KALRN: variants seen among roughly 807,000 people sequenced by gnomAD.
KALRN encodes the protein kalirin RhoGEF kinase.
KALRN carries 70 observed loss-of-function variants against 353.7 expected under a neutral mutation model. The observed-to-expected ratio is 0.20, with a 90% CI of 0.16 to 0.24. KALRN has a LOEUF of 0.24. KALRN is among the 10% of genes least tolerant of loss of function. The pLI is 1.00. For missense variants in KALRN, 2,791 were observed against 3,756.7 expected (o/e 0.74, Z 6.72); for synonymous variants, 1,391 against 1,434.8 (o/e 0.97, Z 0.69).
intron 1 of KALRN, among the ~76,000 whole-genome samples, chr3:124,111,726 C>T (rs1195917645): frequency 6.6e-6 from 1 of 152,162 alleles, no homozygotes; most frequent in Non-Finnish European, 1.5e-5. Flanking sequence ...TCATTGAAAA[C>T]ACACTTTGTA....
chr3:124,645,626 TTCTC>T (rs71145472), intron 37 of KALRN, among the ~76,000 whole-genome samples: 47,811 of 133,088 alleles, frequency 0.36, 7,775 homozygotes, highest in Middle Eastern at 0.58. Context: ...TGAATAATAT[TTCTC>T]TCTCTCTCTC....
intron 33 of KALRN, among the ~76,000 whole-genome samples, chr3:124,521,962 T>G (rs1206149629): frequency 6.6e-6 from 1 of 152,110 alleles, no homozygotes; most frequent in South Asian, 2.1e-4. Context: ...GCTGCCCTCA[T>G]GGAGCATACA....
intron 33 of KALRN, among the ~76,000 whole-genome samples, chr3:124,532,800 C>CCAAAA (rs1290327171): frequency 2.0e-5 from 3 of 151,644 alleles, no homozygotes; most frequent in Non-Finnish European, 4.4e-5. Flanking sequence ...GACTCTGTCT[C>CCAAAA]CAAAACAAAA....
intron 3 of KALRN, among the ~76,000 whole-genome samples, chr3:124,249,470 C>T (rs1167620328): frequency 6.6e-6 from 1 of 152,210 alleles, no homozygotes; most frequent in African/African-American, 2.4e-5. Flanking sequence ...GCCAGGCCAA[C>T]TCTTTCTTTT....
intron 14 of KALRN, among the ~76,000 whole-genome samples, chr3:124,414,694 T>C (rs1404738122): frequency 6.6e-6 from 1 of 152,100 alleles, no homozygotes; most frequent in African/African-American, 2.4e-5. Context: ...AGAAAAGAAG[T>C]CACATGGCTG....
intron 29 of KALRN, 103 bp from the exon 30 acceptor site, chr3:124,490,591 A>G (rs2289841): frequency 0.66 from 669,240 of 1,012,922 alleles, 222,526 homozygotes; most frequent in African/African-American, 0.76. Flanking sequence ...CAGTAACTGA[A>G]GACTAACAAT....
chr3:124,497,114 G>A (rs1312825488), intron 33 of KALRN, among the ~76,000 whole-genome samples: 3 of 152,204 alleles, frequency 2.0e-5, no homozygotes, highest in African/African-American at 4.8e-5. Context: ...AGAAACTGTA[G>A]CAAAGGCTCT....
chr3:124,502,341 G>T (rs546983632), intron 33 of KALRN, among the ~76,000 whole-genome samples: 1 of 152,180 alleles, frequency 6.6e-6, no homozygotes, highest in Non-Finnish European at 1.5e-5. Flanking sequence ...AGTAGGAATT[G>T]CATGGAGTTT....
intron 33 of KALRN, chr3:124,518,792 A>C (rs1237624629): frequency 8.0e-7 from 1 of 1,248,668 alleles, no homozygotes; most frequent in Non-Finnish European, 1.0e-6. Flanking sequence ...AACAGCAGGT[A>C]CGCCCAGGCT....
chr3:124,633,714 G>A lies in KALRN; in HGVS notation c.5467-138G>A, dbSNP rs552358236. Reference sequence around the variant, plus strand: ...AAGCAGGTGTATCCATGTATCAAAAGAGGAAATTGCGACTGAACAGTTAAG... The same window carrying A: ...AAGCAGGTGTATCCATGTATCAAAAAAGGAAATTGCGACTGAACAGTTAAG... On this transcript the variant is annotated intron_variant, in intron 35 of 59. Coordinates refer to ENST00000682506, the MANE Select transcript of KALRN (RefSeq NM_001388419.1). The A allele has an allele frequency of 3.2e-4, 209 of 658,044 alleles. 1 individual carries two copies. The South Asian group carries it at 3.5e-3, about 11-fold the overall frequency. 40.8% of individuals were successfully genotyped at this position (658,044 alleles called of 1,614,324 possible).
chr3:124,530,416 GT>G (rs943872566), intron 33 of KALRN, among the ~76,000 whole-genome samples: 1 of 151,904 alleles, frequency 6.6e-6, no homozygotes, highest in Non-Finnish European at 1.5e-5. Flanking sequence ...GGTTGTTTTT[GT>G]TTTTTTATTT....
chr3:124,452,911 T>C (rs115082405), intron 21 of KALRN, among the ~76,000 whole-genome samples: 1,976 of 152,308 alleles, frequency 0.013, 39 homozygotes, highest in African/African-American at 0.045. Flanking sequence ...CCCTTTCTTA[T>C]AGGTGGAGTC....
chr3:124,243,704 A>G (rs1579941310), intron 3 of KALRN, among the ~76,000 whole-genome samples: 1 of 152,216 alleles, frequency 6.6e-6, no homozygotes, highest in East Asian at 1.9e-4. Flanking sequence ...AATGAACCCC[A>G]GAATCCTCCC....
intron 1 of KALRN, among the ~76,000 whole-genome samples, chr3:124,175,421 G>A (rs1385102490): frequency 1.3e-5 from 2 of 151,996 alleles, no homozygotes; most frequent in East Asian, 3.9e-4. Flanking sequence ...GCGGAGATGC[G>A]CGCTGCCGAG....
chr3:124,712,578 C>G (rs1278261802), intron 57 of KALRN, among the ~76,000 whole-genome samples: 1 of 147,396 alleles, frequency 6.8e-6, no homozygotes, highest in Non-Finnish European at 1.5e-5. Context: ...AGGCTTGAGC[C>G]TGGAAAGTTG....
chr3:124,632,529 C>T lies in KALRN; in HGVS notation c.5292C>T (p.Arg1764=), dbSNP rs781425766. 6.2e-7 allele frequency: 1 copy of T among 1,614,224 alleles called. No individual in the cohort carries two copies. The highest frequency in any genetic ancestry group is 1.7e-5 in the Admixed American group (1 of 60,028). Residue 1764 remains arginine, a synonymous_variant, in exon 35 of 60, where the codon CGC becomes CGT. Coordinates refer to ENST00000682506, the MANE Select transcript of KALRN (RefSeq NM_001388419.1). ...TCCACAGTTCCCCGGGTCCCAAGCG[C>T]TCCACCAACACTCTTAAGAAGTGGC... is the stretch of plus-strand genomic sequence containing the variant. ...NSIHSSPGPK[R]STNTLKKWLT...
chr3:124,638,210 T>C lies in KALRN; in HGVS notation c.5664+907T>C, dbSNP rs557876906. Among the ~76,000 whole-genome samples, 9 of 152,292 alleles carry C rather than the reference T, an allele frequency of 5.9e-5. No homozygotes were observed. In the East Asian group the frequency reaches 1.7e-3, roughly 29 times the overall value. On this transcript the variant is annotated intron_variant, in intron 37 of 59. Transcript: ENST00000682506. ...CTAGAGGAAAATGATGGATGCTCTC[T>C]ATGGAAAGCTACCTAATAATTTTGA...
intron 1 of KALRN, chr3:124,152,081 A>G (rs181587469): frequency 2.3e-6 from 3 of 1,286,004 alleles, no homozygotes; most frequent in African/African-American, 1.5e-5. Flanking sequence ...AAAGGGCCAC[A>G]GGAAGTTATT....
chr3:124,114,492 G>T (rs1379556750), intron 1 of KALRN, among the ~76,000 whole-genome samples: 3 of 152,170 alleles, frequency 2.0e-5, no homozygotes, highest in Admixed American at 2.0e-4. Flanking sequence ...TTCCATCAAG[G>T]CTTGATCCTG....
Sources: allele counts gnomAD v4.1 joint callset (sites outside exome capture counted in the v4.1 genomes callset), GRCh38; gene constraint gnomAD v4.1.1; transcripts MANE v1.5; gene names NCBI Gene and HGNC (gene_info 2026-07-23, HGNC 2026-07-21).